Variants in RSPO3 observed in about 807,000 individuals in gnomAD.
RSPO3 encodes the protein R-spondin 3.
In RSPO3, 17 loss-of-function variants were observed where a neutral mutation model predicts 36.5. The ratio of observed to expected loss-of-function variants is 0.47; its 90% confidence interval spans 0.32 to 0.70. The LOEUF (loss-of-function observed/expected upper bound fraction) is 0.70, where lower values mean the gene tolerates loss of function less well. Among genes scored for constraint, RSPO3 ranks in the 30% least tolerant of loss-of-function variants. RSPO3 has a pLI of 0.04. For synonymous variants in RSPO3, 108 were observed against 107.0 expected (o/e 1.01, Z -0.06); for missense variants, 294 against 322.5 (o/e 0.91, Z 0.68).
chr6:127,124,518 T>C (rs1396698553), intron 1 of RSPO3, among the ~76,000 whole-genome samples: 1 of 152,020 alleles, frequency 6.6e-6, no homozygotes, highest in Non-Finnish European at 1.5e-5. Context: ...CATTTTTTTT[T>C]TGAAAATAAT....
chr6:127,197,841 A>G lies in RSPO3; in HGVS notation c.*1834A>G, dbSNP rs1450966621. 4.7e-6 allele frequency: 1 copy of G among 210,876 alleles called. No individual in the cohort carries two copies. The highest frequency in any genetic ancestry group is 1.1e-4 in the East Asian group (1 of 9,388). The allele number at this position is 210,876 out of a possible 1,614,324, so 13.1% of individuals were successfully genotyped here. A position where few individuals can be genotyped will look rare whatever the true frequency, so the allele number is the denominator to read the frequency against. ...GTCTCAACTCACTAAATCTATTCCC[A>G]ATGTATAAAATAATTCTAATTCCAT... On this transcript the variant is annotated 3_prime_UTR_variant, in exon 5 of 5. Transcript: ENST00000356698.
chr6:127,176,447 AT>A lies in RSPO3; in HGVS notation c.635-19367del, dbSNP rs76109592. Among the ~76,000 whole-genome samples the A allele has an allele frequency of 7.3e-3, 1,094 of 150,894 alleles. 4 individuals carry two copies. Among genetic ancestry groups the A allele is most frequent in the Non-Finnish European group, 0.011 (740 of 67,510 alleles). ...CTTGTTATTTCCTTTTTATTTATTT[AT>A]TTTTTTTTAATAGACCTAAAACACT... On this transcript the variant is annotated intron_variant, in intron 4 of 4. Transcript: ENST00000356698.
intron 4 of RSPO3, among the ~76,000 whole-genome samples, chr6:127,177,814 C>CGTAAAT (rs1310191065): frequency 6.6e-6 from 1 of 150,904 alleles, no homozygotes; most frequent in Non-Finnish European, 1.5e-5. Flanking sequence ...AAAAGTCAGT[C>CGTAAAT]GTAAATGCTC....
At chr6:127,148,618 T>G in intron 1 of RSPO3, 30 bp from the exon 2 acceptor site, 1 of 1,565,368 alleles carries the variant, frequency 6.4e-7, no homozygotes, top group Non-Finnish European at 8.7e-7. Flanking sequence ...ATTTAACCTT[T>G]GTAATGTCTT....
chr6:127,133,508 T>C (rs1290641372), intron 1 of RSPO3, among the ~76,000 whole-genome samples: 1 of 152,146 alleles, frequency 6.6e-6, no homozygotes, highest in East Asian at 1.9e-4. Context: ...ATTCATAATC[T>C]TTCATTTATC....
chr6:127,193,791 G>A (rs924233987), intron 4 of RSPO3, among the ~76,000 whole-genome samples: 1 of 152,122 alleles, frequency 6.6e-6, no homozygotes, highest in Non-Finnish European at 1.5e-5. Flanking sequence ...AATCCAGCAT[G>A]GAAAGAAGGC....
intron 4 of RSPO3, among the ~76,000 whole-genome samples, chr6:127,194,911 G>C (rs1240524618): frequency 6.6e-6 from 1 of 152,058 alleles, no homozygotes; most frequent in East Asian, 1.9e-4. Context: ...TTGTACCAGA[G>C]GGTTATTGAT....
Position 127,148,633 on chromosome 6 carries a change from C to T in RSPO3, c.98-15C>T. Reference sequence around the variant, plus strand: ...ATTTAACCTTTGTAATGTCTTTCTACATTTGTCTCCACAGTGCATCCTAAC... The same window carrying T: ...ATTTAACCTTTGTAATGTCTTTCTATATTTGTCTCCACAGTGCATCCTAAC... On this transcript the variant is annotated splice_polypyrimidine_tract_variant and intron_variant, in intron 1 of 4. Coordinates refer to ENST00000356698, the MANE Select transcript of RSPO3 (RefSeq NM_032784.5). 6.3e-7 allele frequency: 1 copy of T among 1,593,668 alleles called. No homozygotes were observed. The highest frequency in any genetic ancestry group is 2.2e-5 in the East Asian group (1 of 44,624).
intron 3 of RSPO3, among the ~76,000 whole-genome samples, chr6:127,151,631 G>A (rs1036422976): frequency 1.3e-5 from 2 of 151,968 alleles, no homozygotes; most frequent in African/African-American, 2.4e-5. Flanking sequence ...CAAGTGTACC[G>A]TAGCACTTTT....
intron 1 of RSPO3, 117 bp downstream of exon 1, chr6:127,119,406 G>A: frequency 1.3e-6 from 1 of 750,222 alleles, no homozygotes; most frequent in East Asian, 2.5e-5. Flanking sequence ...GCGCCTCGCA[G>A]AGGAGATGCA....
At position 127,197,747 on chromosome 6, in the gene RSPO3, T is replaced by G. The variant is rs1230437052; in HGVS notation, c.*1740T>G. 1 of 458,544 alleles carries G rather than the reference T, an allele frequency of 2.2e-6. No homozygotes were observed. The highest frequency in any genetic ancestry group is 3.8e-6 in the Non-Finnish European group (1 of 262,732). The allele number at this position is 458,544 out of a possible 1,614,324, so 28.4% of individuals were successfully genotyped here. On this transcript the variant is annotated 3_prime_UTR_variant, in exon 5 of 5. Transcript: ENST00000356698. ...ACTTCTCTCTTCCTCTTCTAAGATA[T>G]AAACATTTTAAATGATTTATTCCTG...
chr6:127,189,306 T>A (rs1401913981), intron 4 of RSPO3, among the ~76,000 whole-genome samples: 1 of 151,292 alleles, frequency 6.6e-6, no homozygotes, highest in Non-Finnish European at 1.5e-5. Flanking sequence ...CAACAGTAAG[T>A]CTGAGTTAGG....
At chr6:127,192,652 T>C in intron 4 of RSPO3, 1 of 985,356 alleles carries the variant, frequency 1.0e-6, no homozygotes, top group Non-Finnish European at 1.2e-6. Flanking sequence ...AGGTAGAACA[T>C]CAAGGGGAGA....
intron 3 of RSPO3, 129 bp downstream of exon 3, chr6:127,150,701 T>C: frequency 1.3e-6 from 1 of 789,822 alleles, no homozygotes; most frequent in Non-Finnish European, 2.0e-6. Context: ...TCTCCATCCT[T>C]CTTTACAAAG....
chr6:127,154,867 T>C (rs1774561719), intron 3 of RSPO3, among the ~76,000 whole-genome samples: 1 of 152,186 alleles, frequency 6.6e-6, no homozygotes, highest in Non-Finnish European at 1.5e-5. Flanking sequence ...ATCAATTCTC[T>C]AGCACATAGT....
In RSPO3 at chr6:127,155,302, T is replaced by C. The variant is rs1160251807; in HGVS notation, c.498T>C (p.Cys166=). The change falls in exon 4 of 5, where the codon TGT becomes TGC. Residue 166 remains cysteine (C), a synonymous_variant. Coordinates refer to ENST00000356698, the MANE Select transcript of RSPO3 (RefSeq NM_032784.5). The part of the protein sequence containing the change: ...WSPCTKKGKT[C]GFKRGTETRV... ...CATGCACGAAGAAGGGAAAAACATG[T>C]GGCTTCAAAAGAGGGACTGAAACAC... is the stretch of plus-strand genomic sequence containing the variant. 1.9e-6 allele frequency: 3 copies of C among 1,613,796 alleles called. No homozygotes were observed. The highest frequency in any genetic ancestry group is 1.1e-5 in the South Asian group (1 of 91,080).
In RSPO3 at chr6:127,148,743, C is replaced by T. The variant is rs1480981664; in HGVS notation, c.193C>T (p.Leu65=). Residue 65 remains leucine (L), a synonymous_variant, in exon 2 of 5, where the codon CTG becomes TTG. Coordinates refer to ENST00000356698, the MANE Select transcript of RSPO3 (RefSeq NM_032784.5). ...ATGTAAGCCCAGACTATTTTTTGCTCTGGAAAGAATTGGCATGAAGCAGAT... is the reference window on the plus strand; with the variant it reads ...ATGTAAGCCCAGACTATTTTTTGCTTTGGAAAGAATTGGCATGAAGCAGAT... ...LSCKPRLFFA[L]ERIGMKQIGV... 6.2e-7 allele frequency: 1 copy of T among 1,613,184 alleles called. No individual in the cohort carries two copies. The highest frequency in any genetic ancestry group is 1.7e-5 in the Admixed American group (1 of 59,936).
intron 1 of RSPO3, among the ~76,000 whole-genome samples, chr6:127,143,213 G>A (rs186304454): frequency 3.3e-5 from 5 of 152,028 alleles, no homozygotes; most frequent in African/African-American, 1.2e-4. Context: ...TGAATAGAAG[G>A]TGGGAATTAT....
At chr6:127,150,662 G>A (rs1013163468) in intron 3 of RSPO3, 90 bp downstream of exon 3, 32 of 1,263,194 alleles carry the variant, frequency 2.5e-5, no homozygotes, top group East Asian at 1.7e-4. Flanking sequence ...GAACTTGAAG[G>A]TTCTTGGGCT....
Sources: gnomAD v4.1 joint callset for allele counts (sites outside exome capture counted in the v4.1 genomes callset) on GRCh38, gnomAD v4.1.1 for gene constraint, MANE v1.5 for transcripts, NCBI Gene and HGNC (gene_info 2026-07-23, HGNC 2026-07-21) for gene names.